DOK6: variants seen among roughly 807,000 people sequenced by gnomAD.
DOK6 encodes the protein docking protein 6, also known as downstream of tyrosine kinase 6.
Under a neutral mutation model 44.0 loss-of-function variants are expected in DOK6, and 22 were observed. That is an observed-to-expected ratio of 0.50 (90% confidence interval 0.36 to 0.71). The LOEUF is 0.71. Among genes scored for constraint, DOK6 ranks in the 30% least tolerant of loss-of-function variants. The probability of loss-of-function intolerance (pLI) is 0.00; values close to 1 mark genes in which losing one functional copy is unlikely to be tolerated. For synonymous variants in DOK6, 166 were observed against 145.5 expected (o/e 1.14, Z -1.01); for missense variants, 340 against 416.4 (o/e 0.82, Z 1.60).
intron 3 of DOK6, among the ~76,000 whole-genome samples, chr18:69,603,770 CAAAAAAAAAAAAAA>C (rs55654660): frequency 1.9e-4 from 14 of 74,348 alleles, no homozygotes; most frequent in African/African-American, 6.9e-4. Flanking sequence ...GACTCCGTCT[CAAAAAAAAAAAAAA>C]AAAAAAAAAA....
At chr18:69,772,313 G>A (rs1271774145) in intron 7 of DOK6, among the ~76,000 whole-genome samples, 1 of 151,990 alleles carries the variant, frequency 6.6e-6, no homozygotes, top group East Asian at 1.9e-4. Flanking sequence ...TAGAGTCAAT[G>A]CAATCCCCAA....
intron 7 of DOK6, among the ~76,000 whole-genome samples, chr18:69,802,825 T>A (rs909688876): frequency 6.6e-6 from 1 of 152,180 alleles, no homozygotes; most frequent in African/African-American, 2.4e-5. Flanking sequence ...GTGAGCCAAC[T>A]AAACCTCTTC....
intron 4 of DOK6, among the ~76,000 whole-genome samples, chr18:69,697,625 C>CAAA (rs60966414): frequency 1.2e-4 from 17 of 145,674 alleles, no homozygotes; most frequent in East Asian, 6.0e-4. Flanking sequence ...TCTTATTTTT[C>CAAA]AAAAAAAAAA....
At chr18:69,623,226 A>G (rs1984483624) in intron 3 of DOK6, among the ~76,000 whole-genome samples, 1 of 152,170 alleles carries the variant, frequency 6.6e-6, no homozygotes. Flanking sequence ...AGGCCTCCCC[A>G]GAAGCAGAAG....
chr18:69,536,232 G>A (rs765826398), intron 1 of DOK6, among the ~76,000 whole-genome samples: 17 of 152,056 alleles, frequency 1.1e-4, no homozygotes, highest in Admixed American at 2.6e-4. Context: ...ACTGATACAC[G>A]TATAATTACC....
chr18:69,645,666 C>T (rs1048617299), intron 3 of DOK6, among the ~76,000 whole-genome samples: 2 of 151,990 alleles, frequency 1.3e-5, no homozygotes, highest in African/African-American at 4.8e-5. Flanking sequence ...AAATGACATG[C>T]CTGAGCCTTT....
chr18:69,616,334 GCTCATT>G (rs1984284354), intron 3 of DOK6, among the ~76,000 whole-genome samples: 1 of 152,080 alleles, frequency 6.6e-6, no homozygotes, highest in Non-Finnish European at 1.5e-5. Context: ...ACCATGCCAT[GCTCATT>G]GCTGGGCTGC....
chr18:69,613,971 AT>A (rs1444896303), intron 3 of DOK6, among the ~76,000 whole-genome samples: 1 of 146,860 alleles, frequency 6.8e-6, no homozygotes, highest in African/African-American at 2.5e-5. Context: ...TTATTTTATT[AT>A]TATTATACTT....
chr18:69,506,660 T>C (rs1312805561), intron 1 of DOK6, among the ~76,000 whole-genome samples: 2 of 152,174 alleles, frequency 1.3e-5, no homozygotes, highest in African/African-American at 4.8e-5. Flanking sequence ...TGTTGAAGTA[T>C]ATGTGAGCCA....
chr18:69,766,152 C>T (rs1488040612), intron 7 of DOK6, among the ~76,000 whole-genome samples: 2 of 152,160 alleles, frequency 1.3e-5, no homozygotes, highest in Non-Finnish European at 2.9e-5. Flanking sequence ...TTAGCCTAAG[C>T]AAATTGAACA....
intron 3 of DOK6, among the ~76,000 whole-genome samples, chr18:69,606,334 C>T (rs1983995956): frequency 1.3e-5 from 2 of 150,410 alleles, no homozygotes. Flanking sequence ...ATAAAATTCC[C>T]AAGGAATTCT....
intron 3 of DOK6, among the ~76,000 whole-genome samples, chr18:69,614,005 G>A (rs948263977): frequency 4.8e-5 from 2 of 41,800 alleles, no homozygotes; most frequent in Admixed American, 4.8e-4. Context: ...ATATTTTTAA[G>A]TTTTCTGAGT....
At chr18:69,657,847 T>TGTTG (rs1029105491) in intron 3 of DOK6, among the ~76,000 whole-genome samples, 59 of 152,310 alleles carry the variant, frequency 3.9e-4, no homozygotes, top group Admixed American at 1.3e-3. Flanking sequence ...GGAACCTTTC[T>TGTTG]GTTGGTTGGT....
Position 69,411,041 on chromosome 18 carries a change from G to A in DOK6, c.66+9731G>A, listed in dbSNP as rs144704822. On this transcript the variant is annotated intron_variant, in intron 1 of 7. Transcript: ENST00000382713. ...AGAGATAGGGCATAGATGGATAGAT[G>A]GGGGGAGAGAAAATCGAAGCAATAT... Among the ~76,000 whole-genome samples the A allele has an allele frequency of 4.7e-3, 710 of 152,202 alleles. 19 individuals are homozygous for A. Among genetic ancestry groups the A allele is most frequent in the East Asian group, 0.032 (167 of 5,180 alleles).
At chr18:69,718,412 C>T (rs1222789031) in intron 5 of DOK6, among the ~76,000 whole-genome samples, 7 of 152,030 alleles carry the variant, frequency 4.6e-5, no homozygotes, top group Non-Finnish European at 7.4e-5. Context: ...TTCCATGCAA[C>T]AAGAAGTAAC....
At chr18:69,671,824 G>T (rs1029954871) in intron 3 of DOK6, among the ~76,000 whole-genome samples, 3 of 152,152 alleles carry the variant, frequency 2.0e-5, no homozygotes, top group Admixed American at 1.3e-4. Context: ...AGACCTAATT[G>T]TTCCATATTT....
rs148654748 is a variant in DOK6 at position 69,527,243 on chromosome 18, T to C, written c.67-37244T>C. ...GAGTTTGTTTCATTTATTTGTAATG[T>C]GTATTAGTCCATTATCACGCTGCTA... is the stretch of plus-strand genomic sequence containing the variant. On this transcript the variant is annotated intron_variant, in intron 1 of 7. Transcript: ENST00000382713. Among the ~76,000 whole-genome samples, 863 of 152,310 alleles carry C rather than the reference T, an allele frequency of 5.7e-3. 8 individuals carry two copies. The highest frequency in any genetic ancestry group is 0.02 in the African/African-American group (820 of 41,564).
chr18:69,402,943 C>T (rs922242089), intron 1 of DOK6, among the ~76,000 whole-genome samples: 3 of 152,158 alleles, frequency 2.0e-5, no homozygotes, highest in Non-Finnish European at 1.5e-5. Context: ...ACGGAATGCT[C>T]AAGTCTGTCA....
chr18:69,446,589 G>A (rs1379322248), intron 1 of DOK6, among the ~76,000 whole-genome samples: 1 of 152,114 alleles, frequency 6.6e-6, no homozygotes, highest in African/African-American at 2.4e-5. Flanking sequence ...GGATGGCTGG[G>A]TCAAATGGTA....
Sources: gnomAD v4.1 joint callset for allele counts (sites outside exome capture counted in the v4.1 genomes callset) on GRCh38, gnomAD v4.1.1 for gene constraint, MANE v1.5 for transcripts, NCBI Gene and HGNC (gene_info 2026-07-23, HGNC 2026-07-21) for gene names.